ELAVL1: variants seen among roughly 807,000 people sequenced by gnomAD.
The protein encoded by ELAVL1 is ELAV-like protein 1.
A neutral mutation model predicts 28.4 loss-of-function variants in ELAVL1; 1 was observed. The observed-to-expected ratio is 0.04, with a 90% CI of 0.01 to 0.17. ELAVL1 has a LOEUF of 0.17. Ranked by LOEUF, ELAVL1 falls within the 10% of genes least tolerant of loss-of-function variation. The pLI is 1.00. For missense variants in ELAVL1, 157 were observed against 447.2 expected (o/e 0.35, Z 5.85); for synonymous variants, 174 against 183.5 (o/e 0.95, Z 0.42).
chr19:7,959,678 G>A lies in ELAVL1; in HGVS notation c.*3805C>T, dbSNP rs1354627561. ...AGGTTTGGAAATGTGAACCCTGCCTGGGATCCGAGATTCAGATTCTACTGC... is the reference window on the plus strand; with the variant it reads ...AGGTTTGGAAATGTGAACCCTGCCTAGGATCCGAGATTCAGATTCTACTGC... On this transcript the variant is annotated 3_prime_UTR_variant, in exon 6 of 6. Transcript: ENST00000407627. 1.3e-5 allele frequency: 2 copies of A among 152,206 alleles called. No individual in the cohort carries two copies. Among genetic ancestry groups the A allele is most frequent in the Non-Finnish European group, 1.5e-5 (1 of 68,040 alleles). The allele number at this position is 152,206 out of a possible 1,614,324, so 9.4% of individuals were successfully genotyped here.
chr19:7,977,770 GCTGGGGCCTCAGAGCC>G (rs945143499), intron 3 of ELAVL1, among the ~76,000 whole-genome samples: 8 of 152,272 alleles, frequency 5.3e-5, no homozygotes, highest in Admixed American at 3.3e-4. Context: ...TCTGTGCAGG[GCTGGGGCCTCAGAGCC>G]CAGGATGAGC....
intron 1 of ELAVL1, among the ~76,000 whole-genome samples, chr19:7,997,383 T>C (rs1372663971): frequency 6.6e-6 from 1 of 152,238 alleles, no homozygotes; most frequent in East Asian, 1.9e-4. Context: ...CAATTCATGC[T>C]ACTTGTGTGA....
intron 4 of ELAVL1, among the ~76,000 whole-genome samples, chr19:7,971,091 G>A (rs1206981967): frequency 2.6e-5 from 4 of 152,162 alleles, no homozygotes; most frequent in African/African-American, 7.2e-5. Context: ...GGTTCCTTAG[G>A]CCACCTTGAG....
chr19:7,985,048 T>C (rs909027105), intron 2 of ELAVL1, among the ~76,000 whole-genome samples: 2 of 152,156 alleles, frequency 1.3e-5, no homozygotes, highest in Non-Finnish European at 2.9e-5. Context: ...GCCCCCCAAG[T>C]AGCTGGGACT....
rs1296749797 is a variant in ELAVL1 at position 7,963,336 on chromosome 19, C to T, written c.*147G>A. 8 of 908,770 alleles carry T rather than the reference C, an allele frequency of 8.8e-6. No individual in the cohort carries two copies. The Admixed American group carries it at 8.9e-5, about 10-fold the overall frequency. The allele number at this position is 908,770 out of a possible 1,614,324, so 56.3% of individuals were successfully genotyped here. A position where few individuals can be genotyped will look rare whatever the true frequency, so the allele number is the denominator to read the frequency against. On this transcript the variant is annotated 3_prime_UTR_variant, in exon 6 of 6. Transcript: ENST00000407627. The surrounding 1 kb of genome is among the most constrained non-coding windows in gnomAD (Gnocchi z 4.5). ...AACATTTGAACATGTCGGTTGCATC[C>T]CAGAGTATAAAAACCTTCTCACTTC... is the stretch of plus-strand genomic sequence containing the variant.
Position 7,961,184 on chromosome 19 carries a change from T to A in ELAVL1, c.*2299A>T, listed in dbSNP as rs572075001. The A allele has an allele frequency of 3.1e-4, 47 of 152,376 alleles. 1 individual carries two copies. The highest frequency in any genetic ancestry group is 1.1e-3 in the African/African-American group (44 of 41,586). 9.4% of individuals were successfully genotyped at this position (152,376 alleles called of 1,614,324 possible). ...AAGGGGGCGAGGAAAGAAGCTGAGGTGCTACAAGCCCGTCATCATTTTCAC... is the reference window on the plus strand; with the variant it reads ...AAGGGGGCGAGGAAAGAAGCTGAGGAGCTACAAGCCCGTCATCATTTTCAC... On this transcript the variant is annotated 3_prime_UTR_variant, in exon 6 of 6. Transcript: ENST00000407627.
intron 1 of ELAVL1, among the ~76,000 whole-genome samples, chr19:8,000,841 G>A (rs2081065402): frequency 6.6e-6 from 1 of 152,266 alleles, no homozygotes; most frequent in Admixed American, 6.5e-5. Flanking sequence ...GGCAGGAGCA[G>A]GTCAGGTGTG....
chr19:7,974,482 T>C (rs142241377), intron 3 of ELAVL1, among the ~76,000 whole-genome samples: 16 of 152,350 alleles, frequency 1.1e-4, no homozygotes, highest in African/African-American at 3.8e-4. Flanking sequence ...GGTACATTCA[T>C]CATTCGTGTG....
intron 1 of ELAVL1, among the ~76,000 whole-genome samples, chr19:8,005,049 C>T (rs1356692167): frequency 6.6e-6 from 1 of 152,190 alleles, no homozygotes; most frequent in Non-Finnish European, 1.5e-5. Context: ...CTCGCACCGG[C>T]CGCGGTGCTC....
chr19:7,974,438 A>G (rs1280336402), intron 3 of ELAVL1, among the ~76,000 whole-genome samples: 1 of 152,208 alleles, frequency 6.6e-6, no homozygotes, highest in Non-Finnish European at 1.5e-5. Flanking sequence ...ATCAAAGAAA[A>G]CTGAAGAGAA....
chr19:7,989,824 G>A (rs1263881793), intron 2 of ELAVL1, among the ~76,000 whole-genome samples: 1 of 152,202 alleles, frequency 6.6e-6, no homozygotes, highest in African/African-American at 2.4e-5. Context: ...AGGAGAGAAG[G>A]CTTTCTTATT....
In ELAVL1 at chr19:8,004,678, G is replaced by A. The variant is rs569488297; in HGVS notation, c.-17+817C>T. Among the ~76,000 whole-genome samples, 6 of 152,218 alleles carry A rather than the reference G, an allele frequency of 3.9e-5. No individual in the cohort carries two copies. In the South Asian group the frequency reaches 1.2e-3, roughly 32 times the overall value. ...CTCATCTTCCCATTTCTGGCCATCC[G>A]GATCTTAGATGAACACTTTCTAGCA... On this transcript the variant is annotated intron_variant, in intron 1 of 5. Transcript: ENST00000407627.
chr19:7,986,231 A>G (rs1002058240), intron 2 of ELAVL1, among the ~76,000 whole-genome samples: 1 of 152,232 alleles, frequency 6.6e-6, no homozygotes, highest in Admixed American at 6.5e-5. Flanking sequence ...CCTCCTCTGC[A>G]CCGTGAGGGC....
chr19:7,965,242 T>C (rs1402518529), intron 5 of ELAVL1, among the ~76,000 whole-genome samples: 1 of 152,128 alleles, frequency 6.6e-6, no homozygotes, highest in Non-Finnish European at 1.5e-5. Flanking sequence ...TGTAAAACCA[T>C]TTTCAGGATG....
rs1252033344 is a variant in ELAVL1 at position 7,982,168 on chromosome 19, G to A, written c.173-982C>T. ...GGCAAGGGCAGGACCAGAGGGGACAGCCTCTGGGGTCAGGGTTCAGAAGGA... is the reference window on the plus strand; with the variant it reads ...GGCAAGGGCAGGACCAGAGGGGACAACCTCTGGGGTCAGGGTTCAGAAGGA... On this transcript the variant is annotated intron_variant, in intron 2 of 5. Coordinates refer to ENST00000407627, the MANE Select transcript of ELAVL1 (RefSeq NM_001419.3). This position sits in a 1 kb window ranked among gnomAD's most constrained non-coding sequence, Gnocchi z 4.3. Among the ~76,000 whole-genome samples the A allele has an allele frequency of 6.6e-6, 1 of 152,222 alleles. No homozygotes were observed. The highest frequency in any genetic ancestry group is 1.9e-4 in the East Asian group (1 of 5,204).
At position 7,979,960 on chromosome 19, in the gene ELAVL1, A is replaced by G. The variant is rs1160629411; in HGVS notation, c.276+1123T>C. 2.6e-5 allele frequency among the ~76,000 whole-genome samples: 4 copies of G among 152,142 alleles called. No homozygotes were observed. Among genetic ancestry groups the G allele is most frequent in the Non-Finnish European group, 5.9e-5 (4 of 68,006 alleles). On this transcript the variant is annotated intron_variant, in intron 3 of 5. Transcript: ENST00000407627. The surrounding 1 kb of genome is among the most constrained non-coding windows in gnomAD (Gnocchi z 5.4). ...CAGGCCCACCCTGCAGTGACTCAGG[A>G]GGCCCCCCTGTGACCATGGAATCTA...
At chr19:8,001,113 G>T (rs574975709) in intron 1 of ELAVL1, among the ~76,000 whole-genome samples, 1 of 152,290 alleles carries the variant, frequency 6.6e-6, no homozygotes, top group South Asian at 2.1e-4. Flanking sequence ...GTCACCCCTT[G>T]CTCCACAGTG....
chr19:7,997,243 T>C (rs1359119824), intron 1 of ELAVL1, among the ~76,000 whole-genome samples: 3 of 152,212 alleles, frequency 2.0e-5, no homozygotes, highest in African/African-American at 7.2e-5. Flanking sequence ...AAAATCTGTA[T>C]ATAAATGTGC....
chr19:7,981,617 C>A lies in ELAVL1; in HGVS notation c.173-431G>T, dbSNP rs1198444346. Reference sequence around the variant, plus strand: ...TCAAGCAATCCTCCCACCTCGGCCCCACCTCGACCTCCCAAAGTGTTGGGA... The same window carrying A: ...TCAAGCAATCCTCCCACCTCGGCCCAACCTCGACCTCCCAAAGTGTTGGGA... On this transcript the variant is annotated intron_variant, in intron 2 of 5. Transcript: ENST00000407627. This position sits in a 1 kb window ranked among gnomAD's most constrained non-coding sequence, Gnocchi z 4.2. Among the ~76,000 whole-genome samples, 1 of 152,190 alleles carries A rather than the reference C, an allele frequency of 6.6e-6. No individual in the cohort carries two copies. Among genetic ancestry groups the A allele is most frequent in the Non-Finnish European group, 1.5e-5 (1 of 68,046 alleles).
Sources: allele counts gnomAD v4.1 joint callset (sites outside exome capture counted in the v4.1 genomes callset), GRCh38; gene constraint gnomAD v4.1.1; non-coding constraint Gnocchi (gnomAD v3.1); transcripts MANE v1.5; gene names NCBI Gene and HGNC (gene_info 2026-07-23, HGNC 2026-07-21).